The following DMD variants were observed in gnomAD, a reference collection of about 807,000 sequenced individuals.
DMD encodes mutant dystrophin.
A neutral mutation model predicts 330.1 loss-of-function variants in DMD; 63 were observed. The ratio of observed to expected loss-of-function variants is 0.19; its 90% CI spans 0.16 to 0.24. DMD has a LOEUF of 0.24. Ranked by LOEUF, DMD falls within the 10% of genes least tolerant of loss-of-function variation. The pLI is 1.00. For synonymous variants in DMD, 1,223 were observed against 959.8 expected (o/e 1.27, Z -5.07); for missense variants, 3,344 against 2,684.1 (o/e 1.25, Z -5.43).
intron 1 of DMD, among the ~76,000 whole-genome samples, chrX:33,251,564 A>T (rs187059072): frequency 1.2e-4 from 14 of 112,377 alleles, no homozygotes; most frequent in Non-Finnish European, 2.1e-4. Context: ...TGCTACATGA[A>T]ATAATTCACC....
At chrX:31,169,184 G>A (rs1257859455) in intron 74 of DMD, among the ~76,000 whole-genome samples, 4 of 110,198 alleles carry the variant, frequency 3.6e-5, no homozygotes, top group African/African-American at 1.3e-4. Context: ...GGAGACACAT[G>A]CAACAAGTCA....
chrX:32,553,451 TTATTGGG>T (rs111538101), intron 16 of DMD, among the ~76,000 whole-genome samples: 9,268 of 110,767 alleles, frequency 0.084, 632 homozygotes, highest in African/African-American at 0.21. Flanking sequence ...AAAAAACTAC[TTATTGGG>T]TACTATGCTT....
At chrX:31,509,570 T>G (rs2147201023) in intron 55 of DMD, among the ~76,000 whole-genome samples, 1 of 111,940 alleles carries the variant, frequency 8.9e-6, no homozygotes, top group Admixed American at 9.5e-5. Context: ...ATTTGAAATT[T>G]ATATCCTACA....
upstream of DMD, among the ~76,000 whole-genome samples, chrX:33,215,304 TA>T (rs781508147): frequency 3.5e-4 from 30 of 85,687 alleles, no homozygotes; most frequent in Non-Finnish European, 5.6e-4. Flanking sequence ...CAGCCTGGAC[TA>T]AGAGCAAGAC....
At chrX:32,781,292 G>A (rs1043585474) in intron 7 of DMD, among the ~76,000 whole-genome samples, 3 of 110,951 alleles carry the variant, frequency 2.7e-5, no homozygotes, top group Non-Finnish European at 5.7e-5. Context: ...AAACTCCACT[G>A]GAACATTAAG....
At chrX:32,799,494 C>G (rs1333310747) in intron 7 of DMD, among the ~76,000 whole-genome samples, 1 of 111,048 alleles carries the variant, frequency 9.0e-6, no homozygotes, top group Non-Finnish European at 1.9e-5. Flanking sequence ...CAGGCGCAAT[C>G]TTTTATCCCT....
At chrX:31,627,417 C>T (rs1426088960) in intron 55 of DMD, among the ~76,000 whole-genome samples, 1 of 112,128 alleles carries the variant, frequency 8.9e-6, no homozygotes, top group Non-Finnish European at 1.9e-5. Context: ...TCTCCTTGAC[C>T]GAAGCTCTGG....
chrX:33,168,588 A>G (rs1482495288), intron 1 of DMD, among the ~76,000 whole-genome samples: 1 of 110,818 alleles, frequency 9.0e-6, no homozygotes, highest in Non-Finnish European at 1.9e-5. Context: ...GGTGTCACAT[A>G]TACAAACTTA....
chrX:32,661,828 C>T (rs2060969216), intron 9 of DMD, among the ~76,000 whole-genome samples: 1 of 110,993 alleles, frequency 9.0e-6, no homozygotes, highest in African/African-American at 3.3e-5. Context: ...TAGCACAATG[C>T]CTTAAAATTT....
intron 30 of DMD, among the ~76,000 whole-genome samples, chrX:32,394,747 G>A (rs2098027985): frequency 9.2e-6 from 1 of 108,886 alleles, no homozygotes; most frequent in East Asian, 2.9e-4. Context: ...TACACTCAGA[G>A]AGGGTAGAGG....
intron 54 of DMD, among the ~76,000 whole-genome samples, chrX:31,641,537 G>C (rs1383831412): frequency 9.2e-6 from 1 of 108,256 alleles, no homozygotes; most frequent in Non-Finnish European, 1.9e-5. Flanking sequence ...TAAGGAGAGA[G>C]GCAAAGTTGA....
chrX:32,268,164 C>G (rs2097351601), intron 43 of DMD, among the ~76,000 whole-genome samples: 1 of 110,717 alleles, frequency 9.0e-6, no homozygotes, highest in Admixed American at 9.6e-5. Context: ...AATGCCCCTC[C>G]CTCACATTGC....
chrX:32,653,750 G>A (rs1304191624), intron 9 of DMD, among the ~76,000 whole-genome samples: 1 of 111,808 alleles, frequency 8.9e-6, no homozygotes, highest in Admixed American at 9.5e-5. Context: ...ACCTTGGGCA[G>A]TATGGCCATT....
intron 61 of DMD, among the ~76,000 whole-genome samples, chrX:31,325,512 A>T (rs1332236953): frequency 9.3e-6 from 1 of 108,024 alleles, no homozygotes; most frequent in Non-Finnish European, 1.9e-5. Flanking sequence ...TACTCGGGAG[A>T]CTGAGGCAGG....
chrX:31,892,478 A>G (rs1209375719), intron 47 of DMD, among the ~76,000 whole-genome samples: 1 of 111,151 alleles, frequency 9.0e-6, no homozygotes, highest in Non-Finnish European at 1.9e-5. Flanking sequence ...GAAAAAAAAA[A>G]AGAATCCAAA....
chrX:32,231,579 TA>T (rs2097169298), intron 43 of DMD, among the ~76,000 whole-genome samples: 1 of 112,009 alleles, frequency 8.9e-6, no homozygotes, highest in African/African-American at 3.2e-5. Context: ...AATACATAAA[TA>T]AAACTGAAAC....
intron 16 of DMD, among the ~76,000 whole-genome samples, chrX:32,548,843 G>A (rs2049239763): frequency 9.0e-6 from 1 of 111,159 alleles, no homozygotes; most frequent in Admixed American, 9.6e-5. Flanking sequence ...TTAGAATGAG[G>A]AAAACTTCAA....
intron 5 of DMD, 150 bp from the exon 6 acceptor site, chrX:32,816,790 G>C (rs1373350199): frequency 1.9e-6 from 1 of 539,521 alleles, no homozygotes; most frequent in Non-Finnish European, 3.1e-6. Context: ...CAGAAGTTAA[G>C]TCTATTCTCA....
intron 47 of DMD, among the ~76,000 whole-genome samples, chrX:31,926,940 G>A (rs898202859): frequency 2.7e-5 from 3 of 111,136 alleles, no homozygotes; most frequent in African/African-American, 9.8e-5. Context: ...GAGGGGGTCC[G>A]CTTTATTTCT....
Sources: gnomAD v4.1 joint callset for allele counts (sites outside exome capture counted in the v4.1 genomes callset) on GRCh38, gnomAD v4.1.1 for gene constraint, MANE v1.5 for transcripts, NCBI Gene and HGNC (gene_info 2026-07-23, HGNC 2026-07-21) for gene names.